Variants in DDI2 observed in about 807,000 individuals in gnomAD.
DDI2 encodes DDI proteasomal shuttling factor 2, also known as protein DDI1 homolog 2.
In DDI2, 5 loss-of-function variants were observed where a neutral mutation model predicts 48.1. The ratio of observed to expected loss-of-function variants is 0.10; its 90% confidence interval spans 0.05 to 0.22. The LOEUF (loss-of-function observed/expected upper bound fraction) is 0.22, where lower values mean the gene tolerates loss of function less well. DDI2 is among the 10% of genes least tolerant of loss of function. DDI2 has a pLI of 1.00. For synonymous variants in DDI2, 205 were observed against 183.6 expected, an observed-to-expected ratio of 1.12 and a Z score of -0.94; for missense variants, 285 against 506.2, an observed-to-expected ratio of 0.56 and a Z score of 4.19.
chr1:15,627,349 G>T (rs763055321), intron 2 of DDI2, among the ~76,000 whole-genome samples: 38 of 152,142 alleles, frequency 2.5e-4, no homozygotes, highest in Non-Finnish European at 4.6e-4. Context: ...TATTAAGTGA[G>T]GGCACAGGAA....
rs1178773220 is a variant in DDI2, at chr1:15,633,577, T to C, written c.632+12T>C. 1 of 1,609,272 alleles carries C rather than the reference T, an allele frequency of 6.2e-7. No homozygotes were observed. Among genetic ancestry groups the C allele is most frequent in the East Asian group, 2.2e-5 (1 of 44,736 alleles). ...GAAGAAGATATAAGGTAAAGACCTG[T>C]TCATCTAAAGAACAAAACTTAGAGA... On this transcript the variant is annotated intron_variant, in intron 4 of 9. Coordinates refer to ENST00000480945, the MANE Select transcript of DDI2 (RefSeq NM_032341.5).
intron 9 of DDI2, among the ~76,000 whole-genome samples, chr1:15,659,479 G>C (rs1640325488): frequency 6.6e-6 from 1 of 152,140 alleles, no homozygotes. Flanking sequence ...GGTGAAAAAA[G>C]TACACTTGGA....
intron 1 of DDI2, among the ~76,000 whole-genome samples, chr1:15,619,100 A>C (rs6429762): frequency 0.4 from 60,141 of 152,036 alleles, 15,096 homozygotes; most frequent in African/African-American, 0.71. Flanking sequence ...TAGAGAAAAT[A>C]AACTCTTCAA....
chr1:15,650,868 A>G (rs751694905), intron 7 of DDI2, among the ~76,000 whole-genome samples: 20 of 151,838 alleles, frequency 1.3e-4, no homozygotes, highest in Non-Finnish European at 2.8e-4. Context: ...TTATTTATTT[A>G]TTTTGAGATA....
At chr1:15,633,767 A>T in intron 4 of DDI2, 1 of 695,440 alleles carries the variant, frequency 1.4e-6, no homozygotes, top group Non-Finnish European at 2.4e-6. Context: ...ATAGGTGCTT[A>T]GTTTAATGAC....
rs938120062 is a variant in DDI2, at chr1:15,662,137, T to C, written c.*2347T>C. On this transcript the variant is annotated 3_prime_UTR_variant, in exon 10 of 10. Transcript: ENST00000480945. ...ATGAACTCTCCACACTGTGACTGTG[T>C]GTCTGTGCTGATGGCAAGGTATGGT... 1 of 157,926 alleles carries C rather than the reference T, an allele frequency of 6.3e-6. No homozygotes were observed. Among genetic ancestry groups the C allele is most frequent in the African/African-American group, 2.4e-5 (1 of 41,466 alleles). The allele number at this position is 157,926 out of a possible 1,614,324, so 9.8% of individuals were successfully genotyped here.
intron 8 of DDI2, among the ~76,000 whole-genome samples, chr1:15,653,831 T>C (rs1173290437): frequency 2.0e-5 from 3 of 152,184 alleles, no homozygotes; most frequent in Admixed American, 1.3e-4. Flanking sequence ...TGCAGTGTTA[T>C]GGTGTGAGAT....
chr1:15,633,608 G>T (rs372521898), intron 4 of DDI2, 43 bp downstream of exon 4: 9 of 1,599,414 alleles, frequency 5.6e-6, no homozygotes, highest in Non-Finnish European at 7.7e-6. Flanking sequence ...AGAGACTCCA[G>T]ATTTCCCAGA....
Position 15,664,591 on chromosome 1 carries a change from G to A in DDI2, c.*4801G>A, listed in dbSNP as rs1640424798. ...AGAGCTCCAGAAATGCAGAAATTAT[G>A]GGTTAACTTCTAAGAATACCATCAA... On this transcript the variant is annotated 3_prime_UTR_variant, in exon 10 of 10. Coordinates refer to ENST00000480945, the MANE Select transcript of DDI2 (RefSeq NM_032341.5). The A allele has an allele frequency of 6.6e-6, 1 of 152,150 alleles. No individual in the cohort carries two copies. The highest frequency in any genetic ancestry group is 6.5e-5 in the Admixed American group (1 of 15,272). 9.4% of individuals were successfully genotyped at this position (152,150 alleles called of 1,614,324 possible).
intron 5 of DDI2, among the ~76,000 whole-genome samples, chr1:15,642,236 A>G (rs189340489): frequency 2.0e-5 from 3 of 152,346 alleles, no homozygotes; most frequent in East Asian, 3.9e-4. Context: ...TTAGGACTGT[A>G]AAGATTACAG....
In DDI2 at chr1:15,667,674, C is replaced by T. The variant is rs1262377155; in HGVS notation, c.*7884C>T. 6.6e-6 allele frequency: 1 copy of T among 152,206 alleles called. No homozygotes were observed. The highest frequency in any genetic ancestry group is 1.5e-5 in the Non-Finnish European group (1 of 68,046). 9.4% of individuals were successfully genotyped at this position (152,206 alleles called of 1,614,324 possible). A position where few individuals can be genotyped will look rare whatever the true frequency, so the allele number is the denominator to read the frequency against. ...AGGCCTGTCTACAGGACAGCTTCAT[C>T]AAAGGGACATTTTTTAACCTGTTAT... On this transcript the variant is annotated 3_prime_UTR_variant, in exon 10 of 10. Transcript: ENST00000480945.
chr1:15,624,941 T>C lies in DDI2; in HGVS notation c.139-1728T>C, dbSNP rs141350881. The stretch of plus-strand genomic sequence containing the variant: ...AGCGAGTTGAGCATTAAGGACTTAA[T>C]AGTATTTTTTTTCAAGTCATGCATA... On this transcript the variant is annotated intron_variant, in intron 1 of 9. Transcript: ENST00000480945. Among the ~76,000 whole-genome samples, 149 of 152,270 alleles carry C rather than the reference T, an allele frequency of 9.8e-4. 2 individuals carry two copies. The East Asian group carries it at 0.026, about 27-fold the overall frequency.
chr1:15,634,422 T>C (rs1217189083), intron 4 of DDI2: 1 of 152,264 alleles, frequency 6.6e-6, no homozygotes, highest in Non-Finnish European at 1.5e-5. Context: ...GCTTGGCCTT[T>C]TAGGGACCGT....
intron 8 of DDI2, 115 bp downstream of exon 8, chr1:15,652,010 A>T: frequency 2.7e-6 from 2 of 740,452 alleles, no homozygotes; most frequent in East Asian, 4.8e-5. Flanking sequence ...ATGGTCCAGT[A>T]GTAGATGTGT....
At chr1:15,658,245 G>T (rs949727157) in intron 9 of DDI2, among the ~76,000 whole-genome samples, 4 of 151,976 alleles carry the variant, frequency 2.6e-5, no homozygotes, top group South Asian at 4.1e-4. Context: ...TCCCTCCTGG[G>T]TTCAAGCAAT....
chr1:15,660,878 G>C lies in DDI2; in HGVS notation c.*1088G>C, dbSNP rs781679516. 3 of 1,614,146 alleles carry C rather than the reference G, an allele frequency of 1.9e-6. No homozygotes were observed. The highest frequency in any genetic ancestry group is 2.2e-5 in the South Asian group (2 of 91,080). Reference sequence around the variant, plus strand: ...TACTCCTCTCCAAGTCTCTGTGGCAGTTGTCAGCCTTCTGTGGAGTCAGCA... The same window carrying C: ...TACTCCTCTCCAAGTCTCTGTGGCACTTGTCAGCCTTCTGTGGAGTCAGCA... On this transcript the variant is annotated 3_prime_UTR_variant, in exon 10 of 10. Coordinates refer to ENST00000480945, the MANE Select transcript of DDI2 (RefSeq NM_032341.5).
chr1:15,652,673 A>C (rs1640209628), intron 8 of DDI2, among the ~76,000 whole-genome samples: 1 of 152,012 alleles, frequency 6.6e-6, no homozygotes, highest in Non-Finnish European at 1.5e-5. Context: ...TATACAAAAA[A>C]TTAGCCGGGC....
intron 1 of DDI2, among the ~76,000 whole-genome samples, chr1:15,618,906 GCTGT>G (rs1383578896): frequency 6.6e-6 from 1 of 152,154 alleles, no homozygotes; most frequent in African/African-American, 2.4e-5. Context: ...AGCTTGTTCT[GCTGT>G]CTTATGGTAA....
intron 6 of DDI2, 77 bp from the exon 7 acceptor site, chr1:15,649,643 C>A: frequency 6.9e-7 from 1 of 1,455,472 alleles, no homozygotes. Context: ...TGCACTCCAG[C>A]CTGGGCAACA....
Sources: gnomAD v4.1 joint callset for allele counts (sites outside exome capture counted in the v4.1 genomes callset) on GRCh38, gnomAD v4.1.1 for gene constraint, MANE v1.5 for transcripts, NCBI Gene and HGNC (gene_info 2026-07-23, HGNC 2026-07-21) for gene names.